SH3RF3: variants seen among roughly 807,000 people sequenced by gnomAD.
SH3RF3 encodes E3 ubiquitin-protein ligase SH3RF3.
SH3RF3 carries 29 observed loss-of-function variants against 66.3 expected under a neutral mutation model. The ratio of observed to expected loss-of-function variants is 0.44; its 90% CI spans 0.33 to 0.60. The LOEUF is 0.60. Among genes scored for constraint, SH3RF3 ranks in the 20% least tolerant of loss-of-function variants. The pLI is 0.04. For missense variants in SH3RF3, 1,194 were observed against 1,190.9 expected (o/e 1.00, Z -0.04); for synonymous variants, 583 against 532.0 (o/e 1.10, Z -1.32).
chr2:109,451,090 C>T (rs1677854824), intron 8 of SH3RF3, among the ~76,000 whole-genome samples: 1 of 152,244 alleles, frequency 6.6e-6, no homozygotes, highest in Non-Finnish European at 1.5e-5. Flanking sequence ...AGGGCCTCAG[C>T]ACCTCCTGTG....
At chr2:109,194,365 C>T (rs1362155456) in intron 1 of SH3RF3, among the ~76,000 whole-genome samples, 1 of 152,236 alleles carries the variant, frequency 6.6e-6, no homozygotes, top group Non-Finnish European at 1.5e-5. Flanking sequence ...ATCTGTGTGT[C>T]TGCTGCCACC....
intron 1 of SH3RF3, among the ~76,000 whole-genome samples, chr2:109,276,110 G>A (rs1680752055): frequency 6.6e-6 from 1 of 152,164 alleles, no homozygotes. Context: ...CGGACCCAGT[G>A]ATGGTAGAAG....
chr2:109,212,287 A>C (rs1250810738), intron 1 of SH3RF3, among the ~76,000 whole-genome samples: 1 of 152,156 alleles, frequency 6.6e-6, no homozygotes, highest in African/African-American at 2.4e-5. Context: ...GGCTGAAGGA[A>C]GTCAGTTGGC....
intron 7 of SH3RF3, among the ~76,000 whole-genome samples, chr2:109,442,012 TAATA>T (rs1487875357): frequency 1.3e-5 from 2 of 152,252 alleles, no homozygotes; most frequent in East Asian, 3.9e-4. Context: ...ATTTTGTCTC[TAATA>T]AATCCACACT....
rs1290571211 is a variant in SH3RF3 at position 109,376,293 on chromosome 2, C to T, written c.945+4612C>T. On this transcript the variant is annotated intron_variant, in intron 3 of 9. Coordinates refer to ENST00000309415, the MANE Select transcript of SH3RF3 (RefSeq NM_001099289.3). ...ATGTCAACAATACCAGGACACAGGTCCAGGGTGTGGACGCTTAGGAGAGGC... is the reference window on the plus strand; with the variant it reads ...ATGTCAACAATACCAGGACACAGGTTCAGGGTGTGGACGCTTAGGAGAGGC... 2.0e-5 allele frequency among the ~76,000 whole-genome samples: 3 copies of T among 152,288 alleles called. No individual in the cohort carries two copies. In the East Asian group the frequency reaches 5.8e-4, roughly 29 times the overall value.
At chr2:109,403,629 C>CTGCTT in intron 4 of SH3RF3, among the ~76,000 whole-genome samples, 1 of 152,248 alleles carries the variant, frequency 6.6e-6, no homozygotes, top group East Asian at 1.9e-4. Context: ...TAAAGTGCCC[C>CTGCTT]TGCTTTGCTT....
chr2:109,351,193 C>G (rs1472764094), intron 2 of SH3RF3, among the ~76,000 whole-genome samples: 1 of 152,212 alleles, frequency 6.6e-6, no homozygotes, highest in South Asian at 2.1e-4. Context: ...GGGCCCAGCT[C>G]TGCCAGCTGG....
intron 2 of SH3RF3, among the ~76,000 whole-genome samples, chr2:109,365,500 T>C (rs1351431639): frequency 6.6e-6 from 1 of 152,186 alleles, no homozygotes; most frequent in African/African-American, 2.4e-5. Context: ...GAGTTGCTTT[T>C]TCAGTTTGTT....
At chr2:109,474,049 T>G (rs1332790345) in intron 8 of SH3RF3, among the ~76,000 whole-genome samples, 2 of 152,118 alleles carry the variant, frequency 1.3e-5, no homozygotes, top group Admixed American at 6.5e-5. Context: ...CTGTGTGGCC[T>G]CCTCACCTTT....
Position 109,283,897 on chromosome 2 carries a change from C to T in SH3RF3, c.574-63777C>T, listed in dbSNP as rs73955504. ...ATTCTATATGCATCAGCTGGTGAAG[C>T]GCTTATCAAATGACCCCCAGATTCC... On this transcript the variant is annotated intron_variant, in intron 1 of 9. Transcript: ENST00000309415. 9.8e-3 allele frequency among the ~76,000 whole-genome samples: 1,494 copies of T among 152,254 alleles called. 26 individuals are homozygous for T. The highest frequency in any genetic ancestry group is 0.033 in the African/African-American group (1,389 of 41,510).
chr2:109,429,856 G>A (rs1677143425), intron 5 of SH3RF3, among the ~76,000 whole-genome samples: 1 of 152,218 alleles, frequency 6.6e-6, no homozygotes, highest in Non-Finnish European at 1.5e-5. Flanking sequence ...CATGCTCCCA[G>A]GCCACCAAGC....
intron 8 of SH3RF3, among the ~76,000 whole-genome samples, chr2:109,483,470 G>A (rs914208627): frequency 8.5e-5 from 13 of 152,154 alleles, no homozygotes; most frequent in Admixed American, 5.9e-4. Flanking sequence ...AGGCCTCCCC[G>A]CAAGACCTTG....
rs571152474 is a variant in SH3RF3, at chr2:109,269,062, C to T, written c.574-78612C>T. Among the ~76,000 whole-genome samples the T allele has an allele frequency of 7.2e-5, 11 of 152,232 alleles. No homozygotes were observed. The East Asian group carries it at 9.7e-4, about 13-fold the overall frequency. On this transcript the variant is annotated intron_variant, in intron 1 of 9. Coordinates refer to ENST00000309415, the MANE Select transcript of SH3RF3 (RefSeq NM_001099289.3). ...CCAGGCACAGCCCTTTCTCTTGTCC[C>T]GCACTGTGCTCTGTCCATGGAGCCA... is the stretch of plus-strand genomic sequence containing the variant.
chr2:109,130,548 G>A (rs1676666721), intron 1 of SH3RF3, among the ~76,000 whole-genome samples: 1 of 152,128 alleles, frequency 6.6e-6, no homozygotes, highest in Admixed American at 6.5e-5. Context: ...TGGGAAGCCC[G>A]CGGGCCTCCT....
chr2:109,474,242 T>G (rs990524181), intron 8 of SH3RF3, among the ~76,000 whole-genome samples: 1 of 152,136 alleles, frequency 6.6e-6, no homozygotes, highest in African/African-American at 2.4e-5. Flanking sequence ...TGGGCACATT[T>G]GTCTGCAGCA....
intron 1 of SH3RF3, among the ~76,000 whole-genome samples, chr2:109,130,492 GAA>G (rs1224965685): frequency 6.6e-6 from 1 of 152,206 alleles, no homozygotes; most frequent in Admixed American, 6.5e-5. Flanking sequence ...CCTGCCTAGA[GAA>G]AAGTTAGCCC....
chr2:109,445,642 A>C (rs529680806), intron 7 of SH3RF3, among the ~76,000 whole-genome samples: 72 of 152,200 alleles, frequency 4.7e-4, no homozygotes, highest in South Asian at 8.3e-4. Context: ...AAGAGGCTAA[A>C]TATATGAGAG....
chr2:109,140,836 TAGACTATC>T, intron 1 of SH3RF3, among the ~76,000 whole-genome samples: 1 of 152,212 alleles, frequency 6.6e-6, no homozygotes. Flanking sequence ...TGCCCCATCT[TAGACTATC>T]AACACCTACA....
At chr2:109,225,470 G>C (rs541342176) in intron 1 of SH3RF3, among the ~76,000 whole-genome samples, 9 of 152,298 alleles carry the variant, frequency 5.9e-5, no homozygotes, top group African/African-American at 2.2e-4. Context: ...AGGCCAGGCC[G>C]ACTCCCCACT....
Sources: allele counts gnomAD v4.1 joint callset (sites outside exome capture counted in the v4.1 genomes callset), GRCh38; gene constraint gnomAD v4.1.1; transcripts MANE v1.5; gene names NCBI Gene and HGNC (gene_info 2026-07-23, HGNC 2026-07-21).